The following PTPN13 variants were observed in gnomAD, a reference collection of about 807,000 sequenced individuals.
PTPN13 encodes tyrosine-protein phosphatase non-receptor type 13.
PTPN13 carries 191 observed loss-of-function variants against 284.0 expected under a neutral mutation model. That is an observed-to-expected ratio of 0.67 (90% CI 0.60 to 0.76). The LOEUF is 0.76. Ranked by LOEUF, PTPN13 falls within the 30% of genes least tolerant of loss-of-function variation. The pLI is 0.00. For missense variants in PTPN13, 2,797 were observed against 2,939.9 expected, an observed-to-expected ratio of 0.95 and a Z score of 1.12; for synonymous variants, 986 against 1,022.3, an observed-to-expected ratio of 0.96 and a Z score of 0.68.
intron 42 of PTPN13, 146 bp from the exon 43 acceptor site, chr4:86,803,563 A>G: frequency 1.2e-6 from 1 of 829,484 alleles, no homozygotes; most frequent in Non-Finnish European, 1.8e-6. Flanking sequence ...ACTGCACTCC[A>G]TCGTAGGCGA....
chr4:86,680,832 G>C (rs935107979), intron 3 of PTPN13, among the ~76,000 whole-genome samples: 1 of 152,124 alleles, frequency 6.6e-6, no homozygotes, highest in Non-Finnish European at 1.5e-5. Flanking sequence ...TCACTTCTTT[G>C]CATGGCAATG....
At chr4:86,809,140 C>A (rs1005815166) in intron 45 of PTPN13, among the ~76,000 whole-genome samples, 3 of 151,922 alleles carry the variant, frequency 2.0e-5, no homozygotes, top group African/African-American at 7.3e-5. Context: ...GGAAACAGGG[C>A]CAGATTAGGT....
chr4:86,629,482 A>G lies in PTPN13; in HGVS notation c.-5-5770A>G, dbSNP rs199639732. Among the ~76,000 whole-genome samples the G allele has an allele frequency of 2.6e-5, 4 of 151,978 alleles. No individual in the cohort carries two copies. The East Asian group carries it at 7.8e-4, about 29-fold the overall frequency. On this transcript the variant is annotated intron_variant, in intron 1 of 47. Transcript: ENST00000411767. ...GGAGAGGATGTGGAGAAATAGGAAC[A>G]CTTTTACACTGTTGGTGGGACTGTG... is the stretch of plus-strand genomic sequence containing the variant.
intron 17 of PTPN13, among the ~76,000 whole-genome samples, chr4:86,746,989 A>G (rs1432398885): frequency 6.6e-6 from 1 of 152,216 alleles, no homozygotes; most frequent in African/African-American, 2.4e-5. Context: ...TTATATGCTC[A>G]TATATTTTCA....
At chr4:86,788,163 G>A (rs1397027051) in intron 40 of PTPN13, among the ~76,000 whole-genome samples, 1 of 152,088 alleles carries the variant, frequency 6.6e-6, no homozygotes, top group African/African-American at 2.4e-5. Flanking sequence ...TCTAATTCTA[G>A]GAACACGTTT....
chr4:86,792,665 C>T lies in PTPN13; in HGVS notation c.6346-4209C>T, dbSNP rs550206856. ...CATCAGAATAACAGCGATCTCTCAG[C>T]AGAAAGCCTACAAGCCAGAAGAGAG... On this transcript the variant is annotated intron_variant, in intron 40 of 47. Transcript: ENST00000411767. 2.8e-4 allele frequency among the ~76,000 whole-genome samples: 43 copies of T among 152,290 alleles called. 1 individual carries two copies. In the Middle Eastern group the frequency reaches 0.01, roughly 36 times the overall value.
rs147285596 is a variant in PTPN13, at chr4:86,759,568, C to A, written c.3553+495C>A. Among the ~76,000 whole-genome samples the A allele has an allele frequency of 3.3e-5, 5 of 152,106 alleles. No homozygotes were observed. The South Asian group carries it at 1.0e-3, about 32-fold the overall frequency. On this transcript the variant is annotated intron_variant, in intron 23 of 47. Coordinates refer to ENST00000411767, the MANE Select transcript of PTPN13 (RefSeq NM_080683.3). ...CTGCCTTGCACAGAGTTATTTGTTACGAGGATCAAGTGGTAGGACAGTATT... is the reference window on the plus strand; with the variant it reads ...CTGCCTTGCACAGAGTTATTTGTTAAGAGGATCAAGTGGTAGGACAGTATT...
chr4:86,712,876 A>T (rs1732583225), intron 7 of PTPN13, among the ~76,000 whole-genome samples: 1 of 152,092 alleles, frequency 6.6e-6, no homozygotes, highest in Non-Finnish European at 1.5e-5. Context: ...GAATGAACTG[A>T]AGAAAAAAGA....
intron 15 of PTPN13, among the ~76,000 whole-genome samples, chr4:86,737,560 C>G (rs1169361947): frequency 6.6e-6 from 1 of 151,952 alleles, no homozygotes; most frequent in African/African-American, 2.4e-5. Context: ...CAGCACATTT[C>G]GAATACATAA....
At position 86,782,109 on chromosome 4, in the gene PTPN13, A is replaced by G; in HGVS notation, c.5963-92A>G. 3 of 852,950 alleles carry G rather than the reference A, an allele frequency of 3.5e-6. No individual in the cohort carries two copies. The South Asian group carries it at 4.8e-5, about 14-fold the overall frequency. The allele number at this position is 852,950 out of a possible 1,614,324, so 52.8% of individuals were successfully genotyped here. A position where few individuals can be genotyped will look rare whatever the true frequency, so the allele number is the denominator to read the frequency against. On this transcript the variant is annotated intron_variant, in intron 36 of 47. Transcript: ENST00000411767. ...TTTGTGTACTAATAAAAATAACAAC[A>G]TCCCAGAAATGTGAGTTTTCTTTAA...
intron 3 of PTPN13, among the ~76,000 whole-genome samples, chr4:86,677,236 C>T (rs1446103958): frequency 6.6e-6 from 1 of 151,550 alleles, no homozygotes; most frequent in African/African-American, 2.4e-5. Context: ...CACTGCACTC[C>T]AACCTGGGCA....
chr4:86,808,734 A>G (rs1348673135), intron 45 of PTPN13, among the ~76,000 whole-genome samples: 2 of 152,224 alleles, frequency 1.3e-5, no homozygotes, highest in African/African-American at 4.8e-5. Context: ...ACACATTTTT[A>G]TAGAACTCAA....
At chr4:86,604,248 G>A (rs1764557791) in intron 1 of PTPN13, among the ~76,000 whole-genome samples, 1 of 151,960 alleles carries the variant, frequency 6.6e-6, no homozygotes, top group Admixed American at 6.6e-5. Context: ...TCTGTAAAAT[G>A]CAAATAATAA....
At chr4:86,808,012 T>A in intron 45 of PTPN13, 115 bp downstream of exon 45, 1 of 908,918 alleles carries the variant, frequency 1.1e-6, no homozygotes, top group Non-Finnish European at 1.6e-6. Context: ...AGTGACTTCC[T>A]AGTTCCCATG....
intron 1 of PTPN13, among the ~76,000 whole-genome samples, chr4:86,623,094 A>G (rs1263004411): frequency 1.3e-5 from 2 of 152,112 alleles, no homozygotes; most frequent in African/African-American, 4.8e-5. Context: ...TGGGAGCTCA[A>G]TGTCTCAATG....
At chr4:86,812,667 G>A (rs1435978594) in intron 47 of PTPN13, among the ~76,000 whole-genome samples, 1 of 152,106 alleles carries the variant, frequency 6.6e-6, no homozygotes, top group African/African-American at 2.4e-5. Flanking sequence ...CACCTGTGTG[G>A]AAGTCCAAGG....
chr4:86,807,855 G>C lies in PTPN13; in HGVS notation c.7041G>C (p.Leu2347=). Residue 2347 remains leucine, a synonymous_variant, in exon 45 of 48, where the codon CTG becomes CTC. Coordinates refer to ENST00000411767, the MANE Select transcript of PTPN13 (RefSeq NM_080683.3). ...TGGCTCTTGTGAGAATGCAGCAGCTGAAGGGCTTTGTGGTGAGGGCAATGA... is the reference window on the plus strand; with the variant it reads ...TGGCTCTTGTGAGAATGCAGCAGCTCAAGGGCTTTGTGGTGAGGGCAATGA... The part of the protein sequence containing the change: ...LRLALVRMQQ[L]KGFVVRAMTL... The C allele has an allele frequency of 6.2e-7, 1 of 1,614,014 alleles. No homozygotes were observed. Among genetic ancestry groups the C allele is most frequent in the Non-Finnish European group, 8.5e-7 (1 of 1,179,876 alleles).
intron 2 of PTPN13, among the ~76,000 whole-genome samples, chr4:86,636,625 CCAA>C (rs1723049842): frequency 6.6e-6 from 1 of 151,824 alleles, no homozygotes; most frequent in Non-Finnish European, 1.5e-5. Flanking sequence ...TTCTTTGAAA[CCAA>C]CGAGAACAAA....
At chr4:86,672,630 G>A in intron 3 of PTPN13, 87 bp downstream of exon 3, 1 of 1,064,216 alleles carries the variant, frequency 9.4e-7, no homozygotes, top group Non-Finnish European at 1.3e-6. Flanking sequence ...TCAACCCTCT[G>A]AAAAATCTAT....
Sources: gnomAD v4.1 joint callset for allele counts (sites outside exome capture counted in the v4.1 genomes callset) on GRCh38, gnomAD v4.1.1 for gene constraint, MANE v1.5 for transcripts, NCBI Gene and HGNC (gene_info 2026-07-23, HGNC 2026-07-21) for gene names.